ITGB4: variants seen among roughly 807,000 people sequenced by gnomAD.
The protein encoded by ITGB4 is integrin subunit beta 4.
ITGB4 carries 159 observed loss-of-function variants against 207.6 expected under a neutral mutation model. That is an observed-to-expected ratio of 0.77 (90% CI 0.67 to 0.87). ITGB4 has a LOEUF of 0.87. Ranked by LOEUF, ITGB4 falls within the 40% of genes least tolerant of loss-of-function variation. The probability of loss-of-function intolerance (pLI) is 0.00; values close to 1 mark genes in which losing one functional copy is unlikely to be tolerated. For synonymous variants in ITGB4, 1,020 were observed against 1,062.7 expected (o/e 0.96, Z 0.78); for missense variants, 2,278 against 2,546.8 (o/e 0.89, Z 2.27).
In ITGB4 at chr17:75,742,750, T is replaced by C; in HGVS notation, c.2951T>C (p.Ile984Thr). The C allele has an allele frequency of 6.2e-7, 1 of 1,609,730 alleles. No individual in the cohort carries two copies. The highest frequency in any genetic ancestry group is 1.3e-5 in the African/African-American group (1 of 75,016). ...LGRRLVNITI[I>T]KEQARDVVSF... ...CGCCGCCTGGTAAACATCACCATCA[T>C]CAAGGAGCAAGGTGGGTCTGGGTGG... Residue 984 changes from isoleucine (I) to threonine (T), a missense_variant, in exon 25 of 40, where the codon ATC becomes ACC. Ile to Thr is a moderately conservative substitution (Grantham distance 89). Transcript: ENST00000200181. This position sits in a 1 kb window ranked among gnomAD's most constrained non-coding sequence, Gnocchi z 5.9.
At chr17:75,730,735 G>A (rs1026032988) in intron 8 of ITGB4, 140 bp from the exon 9 acceptor site, 11 of 1,001,242 alleles carry the variant, frequency 1.1e-5, no homozygotes, top group African/African-American at 6.3e-5. Context: ...TCCCAAGCAG[G>A]TGGGGGCTAA....
Position 75,733,522 on chromosome 17 carries a change from C to A in ITGB4, c.1487C>A (p.Ser496Tyr). The A allele has an allele frequency of 6.2e-7, 1 of 1,613,690 alleles. No homozygotes were observed. Among genetic ancestry groups the A allele is most frequent in the Non-Finnish European group, 8.5e-7 (1 of 1,180,038 alleles). The change falls in exon 13 of 40, where the codon TCT becomes TAT. Residue 496 changes from serine (S) to tyrosine (Y), a missense_variant. Physicochemically the swap from Ser to Tyr is moderately radical, Grantham distance 144. Coordinates refer to ENST00000200181, the MANE Select transcript of ITGB4 (RefSeq NM_000213.5). ...SGQTCNCSTG[S>Y]LSDIQPCLRE... Reference sequence around the variant, plus strand: ...CAGACCTGCAACTGCTCCACCGGCTCTCTGAGTGACATTCAGCCCTGCCTG... The same window carrying A: ...CAGACCTGCAACTGCTCCACCGGCTATCTGAGTGACATTCAGCCCTGCCTG...
rs2060834909 is a variant in ITGB4, at chr17:75,730,612, T to TCCTCCCTC, written c.1002+113_1002+120dup. On this transcript the variant is annotated intron_variant, in intron 8 of 39. Coordinates refer to ENST00000200181, the MANE Select transcript of ITGB4 (RefSeq NM_000213.5). ...TCCCTCCCTCCCTCCCTTCCTCCCT[T>TCCTCCCTC]CCTCCCTCCCTCTTTTCCTCCCTTT... 6.0e-6 allele frequency: 6 copies of TCCTCCCTC among 997,804 alleles called. No homozygotes were observed. The Middle Eastern group carries it at 9.5e-4, about 157-fold the overall frequency. 61.8% of individuals were successfully genotyped at this position (997,804 alleles called of 1,614,324 possible).
chr17:75,736,700 G>T lies in ITGB4; in HGVS notation c.1990+6G>T. 6.3e-7 allele frequency: 1 copy of T among 1,591,240 alleles called. No individual in the cohort carries two copies. The highest frequency in any genetic ancestry group is 8.5e-7 in the Non-Finnish European group (1 of 1,170,344). ...GGTGGACGAGCTTAAGAGAGGTAGG[G>T]GCAGGGGCTGAGGGTTGGGGTTGCT... On this transcript the variant is annotated splice_donor_region_variant and intron_variant, in intron 16 of 39. Transcript: ENST00000200181.
intron 15 of ITGB4, 25 bp downstream of exon 15, chr17:75,736,411 G>A (rs757857667): frequency 2.4e-5 from 38 of 1,612,232 alleles, no homozygotes; most frequent in Non-Finnish European, 3.1e-5. Context: ...TACGAGGTGT[G>A]GGCGTGGGAA....
rs770489023 is a variant in ITGB4, at chr17:75,737,332, G to A, written c.2001G>A (p.Val667=). The change falls in exon 17 of 40, where the codon GTG becomes GTA. Residue 667 remains valine, a synonymous_variant. Coordinates refer to ENST00000200181, the MANE Select transcript of ITGB4 (RefSeq NM_000213.5). ...MVDELKRAEE[V]VVRCSFRDED... ...TGGCTGTGGGTACAGCCGAGGAGGT[G>A]GTGGTGCGCTGCTCCTTCCGGGACG... 2 of 1,592,268 alleles carry A rather than the reference G, an allele frequency of 1.3e-6. No individual in the cohort carries two copies. The highest frequency in any genetic ancestry group is 1.7e-6 in the Non-Finnish European group (2 of 1,169,970).
In ITGB4 at chr17:75,729,465, T is replaced by C. The variant is rs775115165; in HGVS notation, c.738+29T>C. ...GGCACTGGGAAGGGTGCTGCCAGCC[T>C]AGGCCAGGGGTGAGCACTTCTGGGC... On this transcript the variant is annotated intron_variant, in intron 7 of 39. Transcript: ENST00000200181. The surrounding 1 kb of genome is among the most constrained non-coding windows in gnomAD (Gnocchi z 4.4). The C allele has an allele frequency of 3.7e-6, 6 of 1,610,556 alleles. No individual in the cohort carries two copies. The highest frequency in any genetic ancestry group is 5.1e-6 in the Non-Finnish European group (6 of 1,178,340).
intron 27 of ITGB4, among the ~76,000 whole-genome samples, chr17:75,749,297 G>GT (rs2061310847): frequency 6.6e-6 from 1 of 152,172 alleles, no homozygotes; most frequent in Admixed American, 6.5e-5. Context: ...GGAGGCCAAG[G>GT]TGGGAGGATC....
Position 75,752,253 on chromosome 17 carries a change from C to T in ITGB4, c.3873C>T (p.Ser1291=), listed in dbSNP as rs758757728. Reference sequence around the variant, plus strand: ...TGCTTATTGAGAACCTTCGGGAGTCCCAGCCCTACCGCTACACGGTGAAGG... The same window carrying T: ...TGCTTATTGAGAACCTTCGGGAGTCTCAGCCCTACCGCTACACGGTGAAGG... ...RMLLIENLRE[S]QPYRYTVKAR... is the part of the protein sequence containing the mutation. The change falls in exon 31 of 40, where the codon TCC becomes TCT. Residue 1291 remains serine (S), a synonymous_variant. Transcript: ENST00000200181. 1 of 1,613,604 alleles carries T rather than the reference C, an allele frequency of 6.2e-7. No homozygotes were observed. Among genetic ancestry groups the T allele is most frequent in the South Asian group, 1.1e-5 (1 of 91,078 alleles).
chr17:75,755,118 GGA>G (rs1326275799), intron 34 of ITGB4: 12 of 1,608,966 alleles, frequency 7.5e-6, no homozygotes, highest in Non-Finnish European at 1.0e-5. Context: ...CTGGGGTCCC[GGA>G]GTCGGGCTCA....
intron 34 of ITGB4, chr17:75,755,084 A>C (rs2061463682): frequency 6.2e-7 from 1 of 1,601,272 alleles, no homozygotes; most frequent in African/African-American, 1.3e-5. Context: ...ACACGGGAGG[A>C]GCAGGCTTCC....
chr17:75,736,005 A>G, intron 13 of ITGB4, 46 bp from the exon 14 acceptor site: 1 of 1,584,912 alleles, frequency 6.3e-7, no homozygotes, highest in Non-Finnish European at 8.6e-7. Flanking sequence ...CCTGGACTAC[A>G]GGCACAGATG....
intron 13 of ITGB4, among the ~76,000 whole-genome samples, chr17:75,734,134 T>TTG (rs2060924797): frequency 7.1e-6 from 1 of 140,098 alleles, no homozygotes; most frequent in African/African-American, 2.7e-5. Context: ...GCTGTTTTTT[T>TTG]TTTTTTTTTT....
At position 75,755,797 on chromosome 17, in the gene ITGB4, G is replaced by C; in HGVS notation, c.4655G>C (p.Arg1552Pro). 2 of 1,610,950 alleles carry C rather than the reference G, an allele frequency of 1.2e-6. No individual in the cohort carries two copies. The highest frequency in any genetic ancestry group is 1.7e-6 in the Non-Finnish European group (2 of 1,179,876). The change falls in exon 35 of 40, where the codon CGG becomes CCG. Residue 1552 changes from arginine to proline, a missense_variant. By Grantham distance (103) the Arg-to-Pro change is moderately radical. Transcript: ENST00000200181. ...CTCAGAGTGAGCTGGCAGGAGCCGC[G>C]GTGCGAGCGGCCGCTGCAGGGCTAC... is the stretch of plus-strand genomic sequence containing the variant. ...TSLRVSWQEP[R>P]CERPLQGYSV...
At position 75,727,235 on chromosome 17, in the gene ITGB4, G is replaced by A; in HGVS notation, c.120G>A (p.Glu40=). The stretch of plus-strand genomic sequence containing the variant: ...AGGCCCCAGTGAAGAGCTGCACGGA[G>A]TGTGTCCGTGTGGATAAGGACTGCG... ...CKKAPVKSCT[E]CVRVDKDCAY... Residue 40 remains glutamate (E), a synonymous_variant, in exon 3 of 40, where the codon GAG becomes GAA. Coordinates refer to ENST00000200181, the MANE Select transcript of ITGB4 (RefSeq NM_000213.5). This position sits in a 1 kb window ranked among gnomAD's most constrained non-coding sequence, Gnocchi z 6.0. The A allele has an allele frequency of 1.2e-6, 2 of 1,614,088 alleles. No homozygotes were observed. Among genetic ancestry groups the A allele is most frequent in the Non-Finnish European group, 1.7e-6 (2 of 1,179,988 alleles).
chr17:75,731,102 C>A lies in ITGB4; in HGVS notation c.1092+138C>A. ...CAGTGAGGAAGGGTCTCTAGCTATC[C>A]CTGAGGCCCCGAGGGGCCACCTGGG... On this transcript the variant is annotated intron_variant, in intron 9 of 39. Transcript: ENST00000200181. The surrounding 1 kb of genome is among the most constrained non-coding windows in gnomAD (Gnocchi z 6.8). 1 of 1,452,744 alleles carries A rather than the reference C, an allele frequency of 6.9e-7. No homozygotes were observed. The highest frequency in any genetic ancestry group is 1.2e-5 in the South Asian group (1 of 82,912). 90.0% of individuals were successfully genotyped at this position (1,452,744 alleles called of 1,614,324 possible).
Position 75,757,557 on chromosome 17 carries a change from C to T in ITGB4, c.*2C>T, listed in dbSNP as rs767288602. On this transcript the variant is annotated 3_prime_UTR_variant, in exon 40 of 40. Transcript: ENST00000200181. ...GACCAACAGTTCTTCCAAACTTGAC[C>T]GCACCCTGCCCCACCCCCGCCACGT... 4.6e-5 allele frequency: 74 copies of T among 1,613,260 alleles called. No homozygotes were observed. Among genetic ancestry groups the T allele is most frequent in the Admixed American group, 4.0e-4 (24 of 59,990 alleles).
At chr17:75,745,040 C>T (rs1200409832) in intron 26 of ITGB4, among the ~76,000 whole-genome samples, 1 of 151,726 alleles carries the variant, frequency 6.6e-6, no homozygotes, top group Non-Finnish European at 1.5e-5. Flanking sequence ...GCAGGGATTA[C>T]AGGTGTAAGC....
Position 75,757,778 on chromosome 17 carries a change from A to G in ITGB4, c.*223A>G, listed in dbSNP as rs979208205. ...AGAGCTGGGAGCAGCACAAGGACCC[A>G]GCCTTTGTTCTGCACTTAATAAATG... On this transcript the variant is annotated 3_prime_UTR_variant, in exon 40 of 40. Coordinates refer to ENST00000200181, the MANE Select transcript of ITGB4 (RefSeq NM_000213.5). The G allele has an allele frequency of 2.9e-6, 2 of 690,704 alleles. No homozygotes were observed. Among genetic ancestry groups the G allele is most frequent in the Non-Finnish European group, 4.9e-6 (2 of 404,586 alleles). 42.8% of individuals were successfully genotyped at this position (690,704 alleles called of 1,614,324 possible).
Sources: allele counts gnomAD v4.1 joint callset (sites outside exome capture counted in the v4.1 genomes callset), GRCh38; gene constraint gnomAD v4.1.1; non-coding constraint Gnocchi (gnomAD v3.1); transcripts MANE v1.5; gene names NCBI Gene and HGNC (gene_info 2026-07-23, HGNC 2026-07-21).